The following ANKRD36C variants were observed in gnomAD, a reference collection of about 807,000 sequenced individuals.
ANKRD36C encodes the protein ankyrin repeat domain 36C.
A neutral mutation model predicts 276.4 loss-of-function variants in ANKRD36C; 61 were observed. The observed-to-expected ratio is 0.22, with a 90% CI of 0.18 to 0.27. The LOEUF is 0.27. Among genes scored for constraint, ANKRD36C ranks in the 10% least tolerant of loss-of-function variants. The probability of loss-of-function intolerance (pLI) is 1.00; values close to 1 mark genes in which losing one functional copy is unlikely to be tolerated. For missense variants in ANKRD36C, 1,447 were observed against 2,032.3 expected, an observed-to-expected ratio of 0.71 and a Z score of 5.54; for synonymous variants, 483 against 680.1, an observed-to-expected ratio of 0.71 and a Z score of 4.51.
intron 50 of ANKRD36C, among the ~76,000 whole-genome samples, chr2:95,887,689 C>T (rs1477625994): frequency 6.6e-6 from 1 of 151,682 alleles, no homozygotes; most frequent in Non-Finnish European, 1.5e-5. Flanking sequence ...TCTTGAACTG[C>T]TCTCCATATT....
intron 44 of ANKRD36C, among the ~76,000 whole-genome samples, chr2:95,893,326 A>T (rs1476612411): frequency 6.6e-6 from 1 of 150,908 alleles, no homozygotes; most frequent in Non-Finnish European, 1.5e-5. Flanking sequence ...TCCAACTTCA[A>T]TGTGGGGAAC....
At chr2:95,871,775 T>C (rs1464402139) in intron 59 of ANKRD36C, among the ~76,000 whole-genome samples, 2 of 151,704 alleles carry the variant, frequency 1.3e-5, no homozygotes, top group African/African-American at 4.8e-5. Context: ...GAAACCCATC[T>C]CACGTGCAGA....
chr2:95,859,402 A>G (rs1487753651), intron 61 of ANKRD36C, among the ~76,000 whole-genome samples: 2 of 152,172 alleles, frequency 1.3e-5, no homozygotes, highest in Non-Finnish European at 2.9e-5. Flanking sequence ...TGAATTATAA[A>G]TTAATATAAA....
chr2:95,896,212 C>T (rs1165249221), intron 44 of ANKRD36C, among the ~76,000 whole-genome samples: 3 of 148,954 alleles, frequency 2.0e-5, no homozygotes, highest in Non-Finnish European at 3.0e-5. Context: ...CATGTATCCA[C>T]TAGTTTAGGC....
At chr2:95,859,758 C>T in intron 61 of ANKRD36C, 103 bp downstream of exon 81, 1 of 1,305,138 alleles carries the variant, frequency 7.7e-7, no homozygotes, top group Non-Finnish European at 1.1e-6. Context: ...AGCTTTCTTC[C>T]CTGTTAAATC....
At chr2:95,870,232 G>A (rs1310047470) in intron 59 of ANKRD36C, among the ~76,000 whole-genome samples, 5 of 152,208 alleles carry the variant, frequency 3.3e-5, no homozygotes, top group Admixed American at 1.3e-4. Flanking sequence ...CCTGACCACT[G>A]ACCCCCGAGC....
intron 37 of ANKRD36C, 32 bp downstream of exon 39, chr2:95,916,111 C>T (rs758121909): frequency 6.5e-4 from 1,043 of 1,605,088 alleles, no homozygotes; most frequent in Non-Finnish European, 8.2e-4. Flanking sequence ...TATACGTTTA[C>T]TAGCTCACAA....
At chr2:95,855,843 G>C (rs1016972008) in exon 63 of ANKRD36C, 1 of 1,613,764 alleles carries the variant, frequency 6.2e-7, no homozygotes, top group Admixed American at 1.7e-5. Flanking sequence ...ACATAGAGCA[G>C]CATTCAGTCT....
intron 42 of ANKRD36C, 37 bp downstream of exon 47, chr2:95,908,632 A>C: frequency 1.3e-6 from 2 of 1,564,394 alleles, no homozygotes; most frequent in Non-Finnish European, 1.7e-6. Context: ...TAGACTATAC[A>C]TTTACTAGTT....
At chr2:95,912,034 A>G (rs1401009806) in intron 42 of ANKRD36C, among the ~76,000 whole-genome samples, 1 of 151,366 alleles carries the variant, frequency 6.6e-6, no homozygotes, top group African/African-American at 2.4e-5. Context: ...CTTCCTCCCA[A>G]TTGCAATGTG....
At chr2:95,875,274 C>G (rs1326546871) in intron 59 of ANKRD36C, among the ~76,000 whole-genome samples, 1 of 151,936 alleles carries the variant, frequency 6.6e-6, no homozygotes, top group Non-Finnish European at 1.5e-5. Flanking sequence ...AGACTTGGAA[C>G]CAACCCAAAT....
chr2:95,914,068 T>G, intron 40 of ANKRD36C, 40 bp downstream of exon 42: 1 of 1,516,228 alleles, frequency 6.6e-7, no homozygotes, highest in Non-Finnish European at 8.9e-7. Context: ...TTCTTATCTA[T>G]CTCGACTGAT....
chr2:95,862,904 C>T (rs947675167), intron 60 of ANKRD36C, among the ~76,000 whole-genome samples: 24 of 151,766 alleles, frequency 1.6e-4, no homozygotes, highest in Non-Finnish European at 3.1e-4. Context: ...GGACGTGTTC[C>T]CTAATCATAC....
At chr2:95,849,956 T>C (rs1209825310), downstream of ANKRD36C, among the ~76,000 whole-genome samples, 1 of 152,130 alleles carries the variant, frequency 6.6e-6, no homozygotes, top group Non-Finnish European at 1.5e-5. Context: ...GACCTGGGGG[T>C]TGGGGACCCC....
At chr2:95,982,328 T>C (rs765265502) in exon 4 of ANKRD36C, 14 of 1,550,348 alleles carry the variant, frequency 9.0e-6, no homozygotes, top group Admixed American at 5.9e-5. Flanking sequence ...CACTTTTCTT[T>C]GACTCACAGC....
At chr2:95,869,743 A>G (rs943014271) in intron 59 of ANKRD36C, among the ~76,000 whole-genome samples, 2 of 152,226 alleles carry the variant, frequency 1.3e-5, no homozygotes, top group Non-Finnish European at 2.9e-5. Context: ...GGGGTCAGGG[A>G]GTTCCCTTTC....
chr2:95,912,779 G>A (rs537863412), intron 40 of ANKRD36C, among the ~76,000 whole-genome samples: 46 of 151,550 alleles, frequency 3.0e-4, no homozygotes, highest in Admixed American at 3.3e-4. Context: ...ATCAATGTCA[G>A]AACAGGTGCT....
At chr2:95,891,615 T>C in intron 46 of ANKRD36C, 50 bp downstream of exon 66, 1 of 1,526,918 alleles carries the variant, frequency 6.5e-7, no homozygotes, top group Non-Finnish European at 8.8e-7. Flanking sequence ...GGAAGAGAAT[T>C]TCTTATCTAT....
chr2:95,988,598 C>T (rs1255094991), intron 1 of ANKRD36C, among the ~76,000 whole-genome samples: 1 of 151,928 alleles, frequency 6.6e-6, no homozygotes, highest in Non-Finnish European at 1.5e-5. Flanking sequence ...AGAATGCATA[C>T]ATACAGTTGG....
Sources: allele counts gnomAD v4.1 joint callset (sites outside exome capture counted in the v4.1 genomes callset), GRCh38; gene constraint gnomAD v4.1.1; transcripts MANE v1.5; gene names NCBI Gene and HGNC (gene_info 2026-07-23, HGNC 2026-07-21).